MARCHF1: variants seen among roughly 807,000 people sequenced by gnomAD.
MARCHF1 encodes membrane associated ring-CH-type finger 1, also known as E3 ubiquitin-protein ligase MARCHF1.
MARCHF1 carries 40 observed loss-of-function variants against 54.2 expected under a neutral mutation model. The observed-to-expected ratio is 0.74, with a 90% CI of 0.57 to 0.96. MARCHF1 has a LOEUF of 0.96. MARCHF1 is among the 40% of genes least tolerant of loss of function. The pLI is 0.00. For synonymous variants in MARCHF1, 236 were observed against 236.3 expected (o/e 1.00, Z 0.01); for missense variants, 586 against 656.5 (o/e 0.89, Z 1.17).
At chr4:164,311,270 C>T (rs1440129324) in intron 1 of MARCHF1, among the ~76,000 whole-genome samples, 2 of 152,116 alleles carry the variant, frequency 1.3e-5, no homozygotes, top group East Asian at 3.9e-4. Context: ...AGTTGTTCTC[C>T]AGGGTAATAC....
chr4:163,850,468 G>C (rs963000890), intron 4 of MARCHF1, among the ~76,000 whole-genome samples: 2 of 152,158 alleles, frequency 1.3e-5, no homozygotes, highest in African/African-American at 4.8e-5. Flanking sequence ...TCCAATACCA[G>C]ATTAAATACT....
At chr4:163,531,051 CAAACATTT>C (rs1738330906) in intron 9 of MARCHF1, among the ~76,000 whole-genome samples, 1 of 151,770 alleles carries the variant, frequency 6.6e-6, no homozygotes, top group Non-Finnish European at 1.5e-5. Flanking sequence ...TGGATTCTAC[CAAACATTT>C]AAAGAAGAAA....
chr4:163,987,464 C>G (rs1305939289), intron 3 of MARCHF1, among the ~76,000 whole-genome samples: 1 of 152,156 alleles, frequency 6.6e-6, no homozygotes, highest in Non-Finnish European at 1.5e-5. Flanking sequence ...ATTTATTAGT[C>G]TTTTCCTTTC....
intron 3 of MARCHF1, among the ~76,000 whole-genome samples, chr4:163,953,799 G>C (rs1011781369): frequency 4.6e-5 from 7 of 152,250 alleles, no homozygotes; most frequent in South Asian, 4.2e-4. Flanking sequence ...TGCTCATGTA[G>C]TTTTATTGGA....
chr4:164,357,193 G>C (rs1444993456), intron 1 of MARCHF1, among the ~76,000 whole-genome samples: 1 of 151,964 alleles, frequency 6.6e-6, no homozygotes, highest in Admixed American at 6.6e-5. Context: ...TAGGGGTTCA[G>C]AAGTCCCAAA....
At chr4:164,007,646 CTGTG>C (rs70948688) in intron 2 of MARCHF1, among the ~76,000 whole-genome samples, 10,147 of 139,714 alleles carry the variant, frequency 0.073, 536 homozygotes, top group African/African-American at 0.14. Context: ...CTCTCTCTCT[CTGTG>C]TGTGTGTGTG....
chr4:164,122,825 G>A (rs1361498523), intron 1 of MARCHF1, among the ~76,000 whole-genome samples: 8 of 152,016 alleles, frequency 5.3e-5, no homozygotes, highest in East Asian at 1.9e-4. Flanking sequence ...AGCAAGTATC[G>A]TACTGAGTAG....
chr4:164,117,676 G>A (rs1010740789), intron 1 of MARCHF1, among the ~76,000 whole-genome samples: 2 of 152,064 alleles, frequency 1.3e-5, no homozygotes, highest in Non-Finnish European at 2.9e-5. Flanking sequence ...AAGGCAGGCA[G>A]ATCACTTGAG....
chr4:164,197,377 T>C lies in MARCHF1; in HGVS notation c.-322-85715A>G, dbSNP rs72987723. ...CTCGCAATTGAAAAGGTCTAAGCTC[T>C]TGAGGTTTTCTAACTGTTTCAGTGG... On this transcript the variant is annotated intron_variant, in intron 1 of 9. Coordinates refer to ENST00000514618, the MANE Select transcript of MARCHF1 (RefSeq NM_001394959.1). 3,687 of 1,613,196 alleles carry C rather than the reference T, an allele frequency of 2.3e-3. 42 individuals are homozygous for C. The highest frequency in any genetic ancestry group is 0.023 in the African/African-American group (1,713 of 74,994).
chr4:164,245,638 T>C (rs1732925553), intron 1 of MARCHF1, among the ~76,000 whole-genome samples: 1 of 151,862 alleles, frequency 6.6e-6, no homozygotes, highest in South Asian at 2.1e-4. Context: ...GGTATTCAAT[T>C]AGGAAAAGAG....
intron 8 of MARCHF1, among the ~76,000 whole-genome samples, chr4:163,578,562 A>C (rs754540702): frequency 6.6e-6 from 1 of 152,152 alleles, no homozygotes; most frequent in Non-Finnish European, 1.5e-5. Flanking sequence ...ACATTTTTTG[A>C]TTAGCCTTGG....
chr4:164,070,334 C>A (rs1437392909), intron 2 of MARCHF1, among the ~76,000 whole-genome samples: 1 of 152,036 alleles, frequency 6.6e-6, no homozygotes, highest in Non-Finnish European at 1.5e-5. Flanking sequence ...TATTAAAGTA[C>A]CCTGCAAAAG....
chr4:164,063,610 C>A (rs907611816), intron 2 of MARCHF1, among the ~76,000 whole-genome samples: 2 of 152,172 alleles, frequency 1.3e-5, no homozygotes, highest in African/African-American at 4.8e-5. Context: ...ATATCATCTA[C>A]CCCTATGAAG....
At chr4:163,546,014 G>A (rs980140900) in intron 8 of MARCHF1, among the ~76,000 whole-genome samples, 9 of 150,752 alleles carry the variant, frequency 6.0e-5, no homozygotes, top group African/African-American at 2.2e-4. Context: ...TCACTCTGTC[G>A]CCCAGGCTGG....
At chr4:164,247,851 T>C (rs62348012) in intron 1 of MARCHF1, among the ~76,000 whole-genome samples, 1,832 of 149,612 alleles carry the variant, frequency 0.012, 17 homozygotes, top group Non-Finnish European at 0.02. Context: ...GTATCTATCA[T>C]CTGCCAGTCC....
chr4:164,151,100 T>G lies in MARCHF1; in HGVS notation c.-322-39438A>C, dbSNP rs114991823. On this transcript the variant is annotated intron_variant, in intron 1 of 9. Coordinates refer to ENST00000514618, the MANE Select transcript of MARCHF1 (RefSeq NM_001394959.1). ...CCTAGAGCCTCCAGAAAGAACATGA[T>G]GCTGACATTTGATTTGAGCCCAAGG... is the stretch of plus-strand genomic sequence containing the variant. Among the ~76,000 whole-genome samples, 487 of 152,324 alleles carry G rather than the reference T, an allele frequency of 3.2e-3. 1 individual carries two copies. The highest frequency in any genetic ancestry group is 0.011 in the African/African-American group (461 of 41,574).
intron 1 of MARCHF1, among the ~76,000 whole-genome samples, chr4:164,307,512 T>A (rs1436442829): frequency 6.6e-6 from 1 of 152,204 alleles, no homozygotes; most frequent in African/African-American, 2.4e-5. Flanking sequence ...CCCTGTGTAA[T>A]CCTTGTGCTA....
Position 163,742,692 on chromosome 4 carries a change from A to G in MARCHF1, c.112-41829T>C, listed in dbSNP as rs145325645. ...AGGGTCTCATTATGTTGTCCAGGTT[A>G]GTCTCGAACTCCTAGGCTGGAATGA... is the stretch of plus-strand genomic sequence containing the variant. On this transcript the variant is annotated intron_variant, in intron 4 of 9. Coordinates refer to ENST00000514618, the MANE Select transcript of MARCHF1 (RefSeq NM_001394959.1). 5.6e-3 allele frequency among the ~76,000 whole-genome samples: 852 copies of G among 152,012 alleles called. 3 individuals carry two copies. The highest frequency in any genetic ancestry group is 9.7e-3 in the African/African-American group (403 of 41,462).
chr4:163,708,481 G>A (rs367711996), intron 4 of MARCHF1, among the ~76,000 whole-genome samples: 2 of 152,208 alleles, frequency 1.3e-5, no homozygotes, highest in South Asian at 2.1e-4. Context: ...ATAAAGAATT[G>A]TTAAGTAATT....
Sources: gnomAD v4.1 joint callset for allele counts (sites outside exome capture counted in the v4.1 genomes callset) on GRCh38, gnomAD v4.1.1 for gene constraint, MANE v1.5 for transcripts, NCBI Gene and HGNC (gene_info 2026-07-23, HGNC 2026-07-21) for gene names.